The following TULP4 variants were observed in gnomAD, a reference collection of about 807,000 sequenced individuals.
TULP4 encodes TUB like protein 4.
A neutral mutation model predicts 129.0 loss-of-function variants in TULP4; 16 were observed. The observed-to-expected ratio is 0.12, with a 90% CI of 0.08 to 0.19. The LOEUF is 0.19. TULP4 is among the 10% of genes least tolerant of loss of function. The pLI, the probability that TULP4 is intolerant of heterozygous loss-of-function variation, is 1.00. For missense variants in TULP4, 1,842 were observed against 2,059.1 expected (o/e 0.89, Z 2.04); for synonymous variants, 998 against 854.0 (o/e 1.17, Z -2.94).
At chr6:158,277,612 C>G (rs1778670371), upstream of TULP4, among the ~76,000 whole-genome samples, 1 of 152,204 alleles carries the variant, frequency 6.6e-6, no homozygotes, top group Non-Finnish European at 1.5e-5. Context: ...CCATCCCTCC[C>G]TCCTGCTCAG....
intron 1 of TULP4, among the ~76,000 whole-genome samples, chr6:158,334,732 T>C (rs1013677871): frequency 4.6e-5 from 7 of 152,222 alleles, no homozygotes; most frequent in African/African-American, 7.2e-5. Context: ...GTTGAAACTT[T>C]ACAGCCAATG....
At chr6:158,475,628 A>T (rs1246440104) in intron 6 of TULP4, among the ~76,000 whole-genome samples, 1 of 152,114 alleles carries the variant, frequency 6.6e-6, no homozygotes, top group African/African-American at 2.4e-5. Flanking sequence ...GTTCTTAGGG[A>T]GGAGGTACCT....
chr6:158,275,254 C>T (rs1049311606), intron 1 of TULP4, among the ~76,000 whole-genome samples: 1 of 152,162 alleles, frequency 6.6e-6, no homozygotes, highest in African/African-American at 2.4e-5. Context: ...CTTAGTCCTG[C>T]CCATCTTCTT....
intron 1 of TULP4, among the ~76,000 whole-genome samples, chr6:158,365,684 T>C (rs1167712665): frequency 6.6e-6 from 1 of 150,816 alleles, no homozygotes; most frequent in African/African-American, 2.4e-5. Context: ...TGTTAGCCAA[T>C]AGGGTCTCGA....
chr6:158,481,484 G>A (rs973604623), intron 8 of TULP4, 195 bp downstream of exon 8: 1 of 630,294 alleles, frequency 1.6e-6, no homozygotes, highest in Non-Finnish European at 2.8e-6. Flanking sequence ...TTTTTGACAG[G>A]TTTTTAATCA....
chr6:158,316,350 G>A (rs1481795257), intron 1 of TULP4, among the ~76,000 whole-genome samples: 4 of 152,162 alleles, frequency 2.6e-5, no homozygotes, highest in Non-Finnish European at 5.9e-5. Context: ...TTCCAAAGTG[G>A]TTGTACTATT....
intron 1 of TULP4, among the ~76,000 whole-genome samples, chr6:158,304,099 A>G: frequency 6.6e-6 from 1 of 152,302 alleles, no homozygotes; most frequent in Non-Finnish European, 1.5e-5. Flanking sequence ...TGTGTATAAT[A>G]TTAATAATAT....
At chr6:158,393,675 C>T (rs1777641922) in intron 1 of TULP4, among the ~76,000 whole-genome samples, 1 of 152,232 alleles carries the variant, frequency 6.6e-6, no homozygotes, top group African/African-American at 2.4e-5. Flanking sequence ...TTAGCTACAA[C>T]TGGAGCTAGA....
chr6:158,330,953 A>G (rs1421289506), intron 1 of TULP4, among the ~76,000 whole-genome samples: 1 of 152,230 alleles, frequency 6.6e-6, no homozygotes, highest in East Asian at 1.9e-4. Flanking sequence ...ATCCCAAGCC[A>G]GAATACTACA....
intron 6 of TULP4, among the ~76,000 whole-genome samples, chr6:158,467,343 G>A (rs960351713): frequency 1.3e-5 from 2 of 148,870 alleles, no homozygotes; most frequent in East Asian, 2.0e-4. Flanking sequence ...GCAATGTTGC[G>A]ATCAGCGTTC....
At position 158,507,767 on chromosome 6, in the gene TULP4, A is replaced by AGG. The variant is rs1364379559; in HGVS notation, c.*1073_*1074insGG. 1 of 152,228 alleles carries AGG rather than the reference A, an allele frequency of 6.6e-6. No individual in the cohort carries two copies. Among genetic ancestry groups the AGG allele is most frequent in the Non-Finnish European group, 1.5e-5 (1 of 68,032 alleles). 9.4% of individuals were successfully genotyped at this position (152,228 alleles called of 1,614,324 possible). On this transcript the variant is annotated 3_prime_UTR_variant, in exon 14 of 14. Coordinates refer to ENST00000367097, the MANE Select transcript of TULP4 (RefSeq NM_020245.5). ...AAAGTGTGGACAACGCTTGATTTGAAACCACTCCTTTTCTCCTCTTGGCTA... is the reference window on the plus strand; with the variant it reads ...AAAGTGTGGACAACGCTTGATTTGAAGGACCACTCCTTTTCTCCTCTTGGCTA...
chr6:158,384,748 A>G (rs1777403024), intron 1 of TULP4, among the ~76,000 whole-genome samples: 1 of 152,208 alleles, frequency 6.6e-6, no homozygotes, highest in South Asian at 2.1e-4. Flanking sequence ...CGTGTTAGTC[A>G]GAGGCCTCAG....
At chr6:158,500,589 A>G (rs1780421932) in intron 12 of TULP4, among the ~76,000 whole-genome samples, 1 of 152,244 alleles carries the variant, frequency 6.6e-6, no homozygotes, top group South Asian at 2.1e-4. Flanking sequence ...TAGAGGAGCC[A>G]ACTGCAGAGT....
chr6:158,247,266 G>A (rs991865146), intron 1 of TULP4, among the ~76,000 whole-genome samples: 3 of 151,994 alleles, frequency 2.0e-5, no homozygotes, highest in African/African-American at 7.3e-5. Context: ...ATCTATTAAT[G>A]TCTGGTTAAG....
intron 1 of TULP4, among the ~76,000 whole-genome samples, chr6:158,276,470 A>ATT (rs112372831): frequency 6.6e-4 from 96 of 144,392 alleles, no homozygotes; most frequent in Non-Finnish European, 7.0e-4. Context: ...CCCCTGGCTA[A>ATT]TTTTTTTTTT....
At chr6:158,302,592 C>T (rs139225973) in intron 1 of TULP4, among the ~76,000 whole-genome samples, 11 of 152,174 alleles carry the variant, frequency 7.2e-5, no homozygotes, top group African/African-American at 1.4e-4. Context: ...AGAGAGCGGC[C>T]GCTGCTCAAT....
intron 3 of TULP4, among the ~76,000 whole-genome samples, chr6:158,445,708 T>C (rs1779020527): frequency 6.6e-6 from 1 of 152,214 alleles, no homozygotes; most frequent in African/African-American, 2.4e-5. Context: ...AGCACAAGCC[T>C]CAGTCCTTGC....
intron 2 of TULP4, among the ~76,000 whole-genome samples, chr6:158,421,315 TCG>T (rs1484709738): frequency 6.6e-6 from 1 of 151,356 alleles, no homozygotes; most frequent in Non-Finnish European, 1.5e-5. Context: ...TGAGCCGAGA[TCG>T]CGCCACTGCA....
chr6:158,466,307 T>C (rs1779553096), intron 6 of TULP4, among the ~76,000 whole-genome samples: 1 of 152,196 alleles, frequency 6.6e-6, no homozygotes, highest in Non-Finnish European at 1.5e-5. Context: ...AGCGGCACCA[T>C]TTTACATTTT....
Sources: allele counts gnomAD v4.1 joint callset (sites outside exome capture counted in the v4.1 genomes callset), GRCh38; gene constraint gnomAD v4.1.1; transcripts MANE v1.5; gene names NCBI Gene and HGNC (gene_info 2026-07-23, HGNC 2026-07-21).